The following FER variants were observed in gnomAD, a reference collection of about 807,000 sequenced individuals.
FER encodes tyrosine-protein kinase Fer.
FER carries 63 observed loss-of-function variants against 111.0 expected under a neutral mutation model. That is an observed-to-expected ratio of 0.57 (90% confidence interval 0.46 to 0.70). The LOEUF (loss-of-function observed/expected upper bound fraction) is 0.70. Ranked by LOEUF, FER falls within the 30% of genes least tolerant of loss-of-function variation. The pLI, the probability that FER is intolerant of heterozygous loss-of-function variation, is 0.00. For synonymous variants in FER, 327 were observed against 313.9 expected, an observed-to-expected ratio of 1.04 and a Z score of -0.44; for missense variants, 914 against 954.0, an observed-to-expected ratio of 0.96 and a Z score of 0.55.
intron 16 of FER, among the ~76,000 whole-genome samples, chr5:109,057,945 A>G (rs1455026564): frequency 6.6e-6 from 1 of 152,226 alleles, no homozygotes; most frequent in Non-Finnish European, 1.5e-5. Context: ...GCAGACCAAT[A>G]TCATTCATGA....
rs144036103 is a variant in FER, at chr5:109,187,522, A to G, written c.2416A>G (p.Lys806Glu). 5 of 1,614,150 alleles carry G rather than the reference A, an allele frequency of 3.1e-6. No homozygotes were observed. Among genetic ancestry groups the G allele is most frequent in the East Asian group, 2.2e-5 (1 of 44,874 alleles). The change falls in exon 20 of 20, where the codon AAG (lysine) becomes GAG (glutamate). Residue 806 changes from lysine to glutamate, a missense_variant. Lys to Glu is a moderately conservative substitution (Grantham distance 56). Transcript: ENST00000281092. ...GGATTATAAACCTGAAAATCGCCCT[A>G]AGTTCAGTGAACTTCAGAAAGAGCT... ...CWDYKPENRP[K>E]FSELQKELTI...
intron 18 of FER, among the ~76,000 whole-genome samples, chr5:109,182,037 C>T (rs948561930): frequency 4.6e-5 from 7 of 152,132 alleles, no homozygotes; most frequent in East Asian, 3.9e-4. Flanking sequence ...TTTTACTTAG[C>T]GTAAGATTTT....
At chr5:108,897,519 A>T in intron 9 of FER, 140 bp from the exon 10 acceptor site, 2 of 591,252 alleles carry the variant, frequency 3.4e-6, no homozygotes, top group Non-Finnish European at 5.4e-6. Flanking sequence ...ATAACTTAAA[A>T]TCTGCTTAGT....
At chr5:109,167,531 A>AT (rs537895376) in intron 17 of FER, among the ~76,000 whole-genome samples, 24 of 152,234 alleles carry the variant, frequency 1.6e-4, no homozygotes, top group Non-Finnish European at 3.2e-4. Flanking sequence ...TCCAAGTTAC[A>AT]TTTTGTCTTT....
chr5:108,865,227 T>C (rs1381191806), intron 5 of FER, among the ~76,000 whole-genome samples: 1 of 152,182 alleles, frequency 6.6e-6, no homozygotes, highest in Non-Finnish European at 1.5e-5. Context: ...TTTGCTGAAG[T>C]TGCCTATCAG....
Position 109,026,922 on chromosome 5 carries a change from G to C in FER, c.1657-10500G>C, listed in dbSNP as rs11959479. Among the ~76,000 whole-genome samples the C allele has an allele frequency of 1.0e-2, 1,519 of 151,968 alleles. 21 individuals carry two copies. The highest frequency in any genetic ancestry group is 0.035 in the African/African-American group (1,450 of 41,458). On this transcript the variant is annotated intron_variant, in intron 13 of 19. Transcript: ENST00000281092. ...TCTCAAATTCCTGACCTTGTGAACTGCCCACCTCGGCCTCCCAAAGTGCTG... is the reference window on the plus strand; with the variant it reads ...TCTCAAATTCCTGACCTTGTGAACTCCCCACCTCGGCCTCCCAAAGTGCTG...
intron 17 of FER, among the ~76,000 whole-genome samples, chr5:109,161,751 T>C (rs963043986): frequency 6.6e-6 from 1 of 152,140 alleles, no homozygotes; most frequent in African/African-American, 2.4e-5. Flanking sequence ...TTTGGGTATA[T>C]GCCCATTATG....
chr5:108,969,008 A>G (rs1356514685), intron 13 of FER, among the ~76,000 whole-genome samples: 1 of 152,172 alleles, frequency 6.6e-6, no homozygotes, highest in African/African-American at 2.4e-5. Flanking sequence ...GCATAAATTT[A>G]AAATTTAATA....
chr5:109,019,297 G>A (rs1767612311), intron 13 of FER, among the ~76,000 whole-genome samples: 1 of 151,670 alleles, frequency 6.6e-6, no homozygotes, highest in Middle Eastern at 3.4e-3. Context: ...TTAAATTATA[G>A]GTTTATTTAC....
At chr5:109,005,891 C>A (rs930482643) in intron 13 of FER, among the ~76,000 whole-genome samples, 1 of 152,188 alleles carries the variant, frequency 6.6e-6, no homozygotes. Flanking sequence ...TGTTTTCACT[C>A]AACCAGAGTA....
intron 13 of FER, among the ~76,000 whole-genome samples, chr5:109,008,958 G>A (rs570768334): frequency 1.3e-5 from 2 of 151,246 alleles, no homozygotes; most frequent in East Asian, 3.9e-4. Context: ...CAACAAGAGC[G>A]AAACTCCATC....
intron 13 of FER, among the ~76,000 whole-genome samples, chr5:108,962,436 C>A (rs921318428): frequency 6.6e-6 from 1 of 152,190 alleles, no homozygotes; most frequent in African/African-American, 2.4e-5. Context: ...TTTGCTCCCC[C>A]TTCTTCTGCC....
chr5:108,901,081 C>T, intron 10 of FER, among the ~76,000 whole-genome samples: 1 of 151,826 alleles, frequency 6.6e-6, no homozygotes, highest in Non-Finnish European at 1.5e-5. Flanking sequence ...TGCCCACCTC[C>T]CCACCCCCGC....
rs1167910310 is a variant in FER, at chr5:109,180,852, C to T, written c.2154C>T (p.Gly718=). The change falls in exon 18 of 20, where the codon GGC becomes GGT. Residue 718 remains glycine (G), a synonymous_variant. Transcript: ENST00000281092. ...ATGGTGGAGTGTATTCATCTTCTGG[C>T]TTAAAGCAGATTCCCATTAAATGGA... ...QEDGGVYSSS[G]LKQIPIKWTA... is the part of the protein sequence containing the mutation. 2 of 1,613,360 alleles carry T rather than the reference C, an allele frequency of 1.2e-6. No homozygotes were observed. Among genetic ancestry groups the T allele is most frequent in the East Asian group, 4.5e-5 (2 of 44,816 alleles).
intron 2 of FER, among the ~76,000 whole-genome samples, chr5:108,783,552 G>A (rs1754335349): frequency 1.3e-5 from 2 of 152,296 alleles, no homozygotes; most frequent in Non-Finnish European, 2.9e-5. Flanking sequence ...TGTCTAATAT[G>A]TTAGGAGATT....
intron 10 of FER, among the ~76,000 whole-genome samples, chr5:108,939,396 A>G (rs1288186034): frequency 6.6e-6 from 1 of 152,114 alleles, no homozygotes; most frequent in African/African-American, 2.4e-5. Flanking sequence ...TATTAGTTCT[A>G]TACAATAGTT....
chr5:108,999,159 A>G (rs995958042), intron 13 of FER, among the ~76,000 whole-genome samples: 3 of 152,144 alleles, frequency 2.0e-5, no homozygotes, highest in African/African-American at 4.8e-5. Flanking sequence ...AGTGTTATCT[A>G]TAATACTTCT....
chr5:108,880,726 A>AAT (rs146917908), intron 8 of FER, among the ~76,000 whole-genome samples: 4 of 151,706 alleles, frequency 2.6e-5, no homozygotes, highest in African/African-American at 4.8e-5. Context: ...ATGTCTTATG[A>AAT]ATATATATAT....
chr5:109,016,523 A>G (rs1767148144), intron 13 of FER, among the ~76,000 whole-genome samples: 1 of 152,060 alleles, frequency 6.6e-6, no homozygotes, highest in Non-Finnish European at 1.5e-5. Flanking sequence ...GAAACAATAC[A>G]CACTTGTGTA....
Sources: allele counts gnomAD v4.1 joint callset (sites outside exome capture counted in the v4.1 genomes callset), GRCh38; gene constraint gnomAD v4.1.1; transcripts MANE v1.5; gene names NCBI Gene and HGNC (gene_info 2026-07-23, HGNC 2026-07-21).